The following KCNIP1 variants were observed in gnomAD, a reference collection of about 807,000 sequenced individuals.
KCNIP1 encodes the protein potassium voltage-gated channel interacting protein 1, also known as A-type potassium channel modulatory protein KCNIP1.
KCNIP1 carries 18 observed loss-of-function variants against 33.0 expected under a neutral mutation model. That is an observed-to-expected ratio of 0.55 (90% CI 0.38 to 0.81). The LOEUF (loss-of-function observed/expected upper bound fraction) is 0.81, where lower values mean the gene tolerates loss of function less well. Among genes scored for constraint, KCNIP1 ranks in the 30% least tolerant of loss-of-function variants. The pLI is 0.00. For synonymous variants in KCNIP1, 93 were observed against 98.3 expected (o/e 0.95, Z 0.32); for missense variants, 238 against 271.6 (o/e 0.88, Z 0.87).
At chr5:170,591,205 C>T (rs994263307) in intron 1 of KCNIP1, among the ~76,000 whole-genome samples, 2 of 152,208 alleles carry the variant, frequency 1.3e-5, no homozygotes, top group African/African-American at 4.8e-5. Context: ...TTCCTGCTTC[C>T]CTGAGTCCTA....
At chr5:170,398,502 G>A (rs1405945818) in intron 1 of KCNIP1, among the ~76,000 whole-genome samples, 1 of 152,098 alleles carries the variant, frequency 6.6e-6, no homozygotes, top group Non-Finnish European at 1.5e-5. Flanking sequence ...TGTGTCTTTT[G>A]GCTAGGTGAA....
chr5:170,682,353 G>C (rs974349937), intron 1 of KCNIP1, among the ~76,000 whole-genome samples: 1 of 152,188 alleles, frequency 6.6e-6, no homozygotes, highest in Non-Finnish European at 1.5e-5. Context: ...TTTGTGGGTT[G>C]AGACGGGCAG....
At chr5:170,414,414 A>G (rs1755274190) in intron 1 of KCNIP1, among the ~76,000 whole-genome samples, 1 of 152,260 alleles carries the variant, frequency 6.6e-6, no homozygotes, top group Admixed American at 6.5e-5. Context: ...AGTTTTGGCC[A>G]ATCAAATGTG....
chr5:170,536,000 G>A (rs927690657), intron 1 of KCNIP1, among the ~76,000 whole-genome samples: 2 of 152,188 alleles, frequency 1.3e-5, no homozygotes, highest in South Asian at 4.1e-4. Flanking sequence ...TACCTACATG[G>A]TTGTCTTGAG....
intron 1 of KCNIP1, among the ~76,000 whole-genome samples, chr5:170,380,679 C>T (rs566459457): frequency 6.6e-6 from 1 of 152,340 alleles, no homozygotes; most frequent in Non-Finnish European, 1.5e-5. Context: ...ACTGCCAGGT[C>T]CTCAGTAGCA....
chr5:170,497,509 T>C (rs1281927465), intron 1 of KCNIP1, among the ~76,000 whole-genome samples: 1 of 152,180 alleles, frequency 6.6e-6, no homozygotes, highest in East Asian at 1.9e-4. Context: ...ACACCAAGCA[T>C]GAGCATGTGT....
chr5:170,411,153 C>T (rs1406664303), intron 1 of KCNIP1, among the ~76,000 whole-genome samples: 1 of 152,172 alleles, frequency 6.6e-6, no homozygotes, highest in Non-Finnish European at 1.5e-5. Flanking sequence ...TGCATCCAAG[C>T]GATGCTAATT....
intron 1 of KCNIP1, among the ~76,000 whole-genome samples, chr5:170,498,676 C>T (rs1371134751): frequency 6.6e-6 from 1 of 152,132 alleles, no homozygotes; most frequent in African/African-American, 2.4e-5. Flanking sequence ...GTAGATGGTG[C>T]TTAATAAATA....
At chr5:170,413,028 C>A (rs1399703965) in intron 1 of KCNIP1, among the ~76,000 whole-genome samples, 1 of 152,200 alleles carries the variant, frequency 6.6e-6, no homozygotes, top group East Asian at 1.9e-4. Flanking sequence ...CAGGCAGTAT[C>A]CTCAGTGCTA....
intron 1 of KCNIP1, among the ~76,000 whole-genome samples, chr5:170,381,854 A>G (rs1231649650): frequency 2.0e-5 from 3 of 152,226 alleles, no homozygotes; most frequent in East Asian, 3.8e-4. Context: ...CTGAATGCCA[A>G]CGCAGAGGCA....
At chr5:170,519,078 G>A (rs906946985) in intron 1 of KCNIP1, among the ~76,000 whole-genome samples, 3 of 152,178 alleles carry the variant, frequency 2.0e-5, no homozygotes, top group Non-Finnish European at 4.4e-5. Context: ...GAATAATCTC[G>A]CACCAGCATT....
intron 1 of KCNIP1, among the ~76,000 whole-genome samples, chr5:170,599,597 A>G (rs113860509): frequency 0.031 from 4,638 of 150,082 alleles, 103 homozygotes; most frequent in Non-Finnish European, 0.046. Flanking sequence ...CATGATGCTC[A>G]GGACTGTGGA....
At chr5:170,511,908 C>T (rs1754945866) in intron 1 of KCNIP1, among the ~76,000 whole-genome samples, 1 of 152,176 alleles carries the variant, frequency 6.6e-6, no homozygotes, top group Non-Finnish European at 1.5e-5. Flanking sequence ...AAAACGGGTG[C>T]ATGGATGTTG....
chr5:170,404,371 A>G (rs1186404617), intron 1 of KCNIP1, among the ~76,000 whole-genome samples: 3 of 151,974 alleles, frequency 2.0e-5, no homozygotes, highest in Non-Finnish European at 4.4e-5. Flanking sequence ...AGGCTGTTGT[A>G]TTGGTTATCC....
intron 1 of KCNIP1, among the ~76,000 whole-genome samples, chr5:170,576,127 A>G (rs148360975): frequency 1.3e-5 from 2 of 152,272 alleles, no homozygotes; most frequent in East Asian, 3.9e-4. Flanking sequence ...TGGATGATCT[A>G]CTTTCAAGAT....
At chr5:170,692,121 A>T (rs1442926597) in intron 1 of KCNIP1, among the ~76,000 whole-genome samples, 1 of 152,170 alleles carries the variant, frequency 6.6e-6, no homozygotes, top group Non-Finnish European at 1.5e-5. Flanking sequence ...AGCCCCAGAC[A>T]TGCAACACAT....
chr5:170,652,225 T>C (rs546306612), intron 1 of KCNIP1, among the ~76,000 whole-genome samples: 12 of 152,256 alleles, frequency 7.9e-5, no homozygotes, highest in African/African-American at 2.6e-4. Context: ...GGCTAGTGCC[T>C]GTAATCCCAG....
At chr5:170,393,418 C>G (rs1197839403) in intron 1 of KCNIP1, among the ~76,000 whole-genome samples, 2 of 152,204 alleles carry the variant, frequency 1.3e-5, no homozygotes, top group African/African-American at 2.4e-5. Context: ...GTTAGTCACT[C>G]TCAGTCCTAG....
At chr5:170,734,317 TC>T (rs1266999218) in intron 7 of KCNIP1, among the ~76,000 whole-genome samples, 2 of 152,174 alleles carry the variant, frequency 1.3e-5, no homozygotes, top group African/African-American at 4.8e-5. Flanking sequence ...CTGGAATGAT[TC>T]TGAAAATGCA....
Sources: gnomAD v4.1 joint callset for allele counts (sites outside exome capture counted in the v4.1 genomes callset) on GRCh38, gnomAD v4.1.1 for gene constraint, MANE v1.5 for transcripts, NCBI Gene and HGNC (gene_info 2026-07-23, HGNC 2026-07-21) for gene names.